KIRREL2: variants seen among roughly 807,000 people sequenced by gnomAD.
The protein encoded by KIRREL2 is kirre like nephrin family adhesion molecule 2, also known as kin of IRRE-like protein 2.
A neutral mutation model predicts 73.4 loss-of-function variants in KIRREL2; 56 were observed. The ratio of observed to expected loss-of-function variants is 0.76; its 90% confidence interval spans 0.62 to 0.95. KIRREL2 has a LOEUF of 0.95. KIRREL2 is among the 40% of genes least tolerant of loss of function. The pLI is 0.00. For missense variants in KIRREL2, 896 were observed against 935.0 expected (o/e 0.96, Z 0.54); for synonymous variants, 407 against 404.0 (o/e 1.01, Z -0.09).
intron 3 of KIRREL2, 61 bp downstream of exon 3, chr19:35,858,618 G>A: frequency 1.9e-6 from 3 of 1,610,118 alleles, no homozygotes; most frequent in Non-Finnish European, 2.5e-6. Context: ...CTAGCTGTGA[G>A]TAGCAGAGCC....
rs1324880031 is a variant in KIRREL2 at position 35,861,646 on chromosome 19, G to A, written c.1290+5G>A. ...TCTCCCGCCCCAGATGCCGTGGTAA[G>A]GAAATGTCACTCCTCCCGTGACCCA... is the stretch of plus-strand genomic sequence containing the variant. On this transcript the variant is annotated splice_donor_5th_base_variant and intron_variant, in intron 10 of 14. Coordinates refer to ENST00000360202, the MANE Select transcript of KIRREL2 (RefSeq NM_199180.4). 17 of 1,612,392 alleles carry A rather than the reference G, an allele frequency of 1.1e-5. No homozygotes were observed. The highest frequency in any genetic ancestry group is 1.4e-5 in the Non-Finnish European group (16 of 1,179,288).
upstream of KIRREL2, among the ~76,000 whole-genome samples, chr19:35,854,154 AT>A (rs35188811): frequency 6.6e-6 from 1 of 151,234 alleles, no homozygotes; most frequent in African/African-American, 2.4e-5. Context: ...CACTTGGCTA[AT>A]TTTTTTTAAA....
chr19:35,857,185 C>G lies in KIRREL2; in HGVS notation c.61+5C>G. 1 of 1,600,798 alleles carries G rather than the reference C, an allele frequency of 6.2e-7. No homozygotes were observed. On this transcript the variant is annotated splice_donor_5th_base_variant and intron_variant, in intron 1 of 14. Transcript: ENST00000360202. ...TCTGCTTCAGAGGGAGAGCAGGTAC[C>G]GCACGAGGGGAGCGGAGGAATATGG...
intron 3 of KIRREL2, 32 bp from the exon 4 acceptor site, chr19:35,858,672 G>C (rs1004867125): frequency 2.5e-6 from 4 of 1,612,362 alleles, no homozygotes. Flanking sequence ...AGAAGATCAG[G>C]ATCCATCTCT....
upstream of KIRREL2, among the ~76,000 whole-genome samples, chr19:35,853,271 T>A (rs1973324238): frequency 6.6e-6 from 1 of 152,064 alleles, no homozygotes. Flanking sequence ...GTAATAAGCA[T>A]GTGGAGAGCG....
intron 14 of KIRREL2, among the ~76,000 whole-genome samples, chr19:35,865,211 T>C (rs1239288260): frequency 6.7e-6 from 1 of 149,196 alleles, no homozygotes; most frequent in Non-Finnish European, 1.5e-5. Context: ...AGTCTCATTC[T>C]GTTGCCCAGG....
rs777831823 is a variant in KIRREL2 at position 35,866,475 on chromosome 19, C to G, written c.2110C>G (p.Leu704Val). 1.1e-5 allele frequency: 18 copies of G among 1,612,768 alleles called. 1 individual carries two copies. Among genetic ancestry groups the G allele is most frequent in the Non-Finnish European group, 1.3e-5 (15 of 1,178,838 alleles). ...AAFPTPSHPR[L>V]QTHV ...CTTCCCCACACCTAGCCACCCGCGT[C>G]TCCAGACTCACGTGTGACATCTTTC... The change falls in exon 15 of 15, where the codon CTC becomes GTC. Residue 704 changes from leucine (L) to valine (V), a missense_variant. Leu to Val is a conservative substitution (Grantham distance 32, BLOSUM62 1). Transcript: ENST00000360202.
upstream of KIRREL2, chr19:35,856,675 A>AC (rs1204747492): frequency 3.2e-6 from 1 of 310,524 alleles, no homozygotes; most frequent in East Asian, 1.0e-4. The surrounding 1 kb of genome is among the most constrained non-coding windows in gnomAD (Gnocchi z 5.9). Context: ...CTGCCCCTCA[A>AC]CCCCGGCAGG....
chr19:35,863,748 G>A (rs954029604), intron 13 of KIRREL2, among the ~76,000 whole-genome samples: 1 of 151,642 alleles, frequency 6.6e-6, no homozygotes, highest in African/African-American at 2.4e-5. Context: ...CTCCACGCCC[G>A]GCCTGAGGGC....
upstream of KIRREL2, among the ~76,000 whole-genome samples, chr19:35,852,097 C>CTTTTTTTTTTT (rs10566018): frequency 3.3e-5 from 4 of 121,598 alleles, no homozygotes; most frequent in Non-Finnish European, 7.1e-5. Flanking sequence ...TTTTTTTTTT[C>CTTTTTTTTTTT]TTTTTTTTTT....
At position 35,858,417 on chromosome 19, in the gene KIRREL2, G is replaced by A. The variant is rs201732327; in HGVS notation, c.221G>A (p.Arg74Gln). 3.6e-5 allele frequency: 58 copies of A among 1,613,844 alleles called. No individual in the cohort carries two copies. The highest frequency in any genetic ancestry group is 1.1e-4 in the East Asian group (5 of 44,872). ...GGQRDLPGWS[R>Q]YWISGNAANG... ...TTCTCCCTGACTCCAGGGTGGTCCC[G>A]GTACTGGATATCAGGGAATGCAGCC... The change falls in exon 3 of 15, where the codon CGG becomes CAG. Residue 74 changes from arginine to glutamine, a missense_variant. Physicochemically the swap from Arg to Gln is conservative, Grantham distance 43. Transcript: ENST00000360202.
intron 7 of KIRREL2, 109 bp from the exon 8 acceptor site, chr19:35,860,800 G>A: frequency 6.3e-7 from 1 of 1,586,326 alleles, no homozygotes; most frequent in South Asian, 1.1e-5. Context: ...GTGGAGCTGG[G>A]GCATATTCTT....
chr19:35,866,490 T>C lies in KIRREL2; in HGVS notation c.2125T>C (p.Ter709ArgextTer19). The C allele has an allele frequency of 1.2e-6, 2 of 1,613,646 alleles. No individual in the cohort carries two copies. Among genetic ancestry groups the C allele is most frequent in the Non-Finnish European group, 1.7e-6 (2 of 1,179,728 alleles). Reference sequence around the variant, plus strand: ...CCACCCGCGTCTCCAGACTCACGTGTGACATCTTTCCAATGGAAGAGTCCT... The same window carrying C: ...CCACCCGCGTCTCCAGACTCACGTGCGACATCTTTCCAATGGAAGAGTCCT... ...PSHPRLQTHV[*>R] The change falls in exon 15 of 15, where the codon TGA becomes CGA. Residue 709 changes from the stop codon to arginine, a stop_lost. Coordinates refer to ENST00000360202, the MANE Select transcript of KIRREL2 (RefSeq NM_199180.4).
intron 14 of KIRREL2, among the ~76,000 whole-genome samples, chr19:35,865,450 C>T (rs1011026816): frequency 4.6e-5 from 7 of 152,154 alleles, no homozygotes; most frequent in African/African-American, 1.2e-4. Flanking sequence ...TGTGCCCAGC[C>T]GACATGCCAT....
chr19:35,858,944 GAGA>G (rs1420090371), intron 4 of KIRREL2, 80 bp downstream of exon 4: 59 of 1,489,772 alleles, frequency 4.0e-5, no homozygotes, highest in Non-Finnish European at 5.1e-5. Context: ...TCATCCAGAA[GAGA>G]AGAAGACATG....
Position 35,857,483 on chromosome 19 carries a change from G to C in KIRREL2, c.200G>C (p.Arg67Thr), listed in dbSNP as rs1973475036. ...TKSGLALGGQ[R>T]DLPGWSRYWI... is the part of the protein sequence containing the mutation. ...AGTGGGCTGGCCCTAGGGGGCCAAAGGGACCTACCAGGTAAGAGTGTTCTC... is the reference window on the plus strand; with the variant it reads ...AGTGGGCTGGCCCTAGGGGGCCAAACGGACCTACCAGGTAAGAGTGTTCTC... Residue 67 changes from arginine (R) to threonine (T), a missense_variant, in exon 2 of 15, where the codon AGG (arginine) becomes ACG (threonine). Arg to Thr is a moderately conservative substitution (Grantham distance 71). Transcript: ENST00000360202. 1 of 1,594,532 alleles carries C rather than the reference G, an allele frequency of 6.3e-7. No individual in the cohort carries two copies. Among genetic ancestry groups the C allele is most frequent in the South Asian group, 1.1e-5 (1 of 88,084 alleles).
intron 13 of KIRREL2, 127 bp downstream of exon 13, chr19:35,863,163 C>T: frequency 1.6e-6 from 1 of 610,982 alleles, no homozygotes; most frequent in Non-Finnish European, 2.9e-6. Flanking sequence ...GGTAATACCA[C>T]TTTGGGAGGT....
At chr19:35,853,280 C>T (rs1047206042), upstream of KIRREL2, among the ~76,000 whole-genome samples, 35 of 152,166 alleles carry the variant, frequency 2.3e-4, no homozygotes, top group African/African-American at 7.5e-4. Flanking sequence ...ATGTGGAGAG[C>T]GTGTGTGTGA....
Position 35,861,262 on chromosome 19 carries a change from G to A in KIRREL2, c.1189+8G>A. 1.3e-6 allele frequency: 2 copies of A among 1,524,818 alleles called. No homozygotes were observed. Among genetic ancestry groups the A allele is most frequent in the Non-Finnish European group, 1.7e-6 (2 of 1,147,224 alleles). 94.5% of individuals were successfully genotyped at this position (1,524,818 alleles called of 1,614,324 possible). A position where few individuals can be genotyped will look rare whatever the true frequency, so the allele number is the denominator to read the frequency against. ...CTCGGCTGACTGTGAACGGTGAGAA[G>A]GCGGGGCTTCCTAGGGGACCTGGCC... On this transcript the variant is annotated splice_region_variant and intron_variant, in intron 9 of 14. Transcript: ENST00000360202.
Sources: allele counts gnomAD v4.1 joint callset (sites outside exome capture counted in the v4.1 genomes callset), GRCh38; gene constraint gnomAD v4.1.1; non-coding constraint Gnocchi (gnomAD v3.1); transcripts MANE v1.5; gene names NCBI Gene and HGNC (gene_info 2026-07-23, HGNC 2026-07-21).